The following SEMA5A variants were observed in gnomAD, a reference collection of about 807,000 sequenced individuals.
SEMA5A encodes the protein semaphorin 5A, also known as semaphorin-5A.
A neutral mutation model predicts 135.5 loss-of-function variants in SEMA5A; 55 were observed. The ratio of observed to expected loss-of-function variants is 0.41; its 90% CI spans 0.33 to 0.51. SEMA5A has a LOEUF of 0.51. SEMA5A is among the 20% of genes least tolerant of loss of function. The probability of loss-of-function intolerance (pLI) is 0.37; values close to 1 mark genes in which losing one functional copy is unlikely to be tolerated. For synonymous variants in SEMA5A, 580 were observed against 546.5 expected, an observed-to-expected ratio of 1.06 and a Z score of -0.85; for missense variants, 1,290 against 1,419.9, an observed-to-expected ratio of 0.91 and a Z score of 1.47.
chr5:9,398,912 A>G (rs1047877224), intron 2 of SEMA5A, among the ~76,000 whole-genome samples: 2 of 152,254 alleles, frequency 1.3e-5, no homozygotes, highest in Non-Finnish European at 2.9e-5. Context: ...TACCAATGGT[A>G]TAAAGACTGA....
At chr5:9,324,569 G>A (rs1444683252) in intron 4 of SEMA5A, among the ~76,000 whole-genome samples, 1 of 152,090 alleles carries the variant, frequency 6.6e-6, no homozygotes, top group East Asian at 1.9e-4. Context: ...CAACATGAGG[G>A]ACTTGAAATC....
intron 12 of SEMA5A, among the ~76,000 whole-genome samples, chr5:9,154,045 CAA>C (rs1157417525): frequency 0.018 from 597 of 34,042 alleles, 7 homozygotes; most frequent in South Asian, 0.037. Context: ...GACTGTGTCT[CAA>C]AAAAAAAAAA....
chr5:9,154,749 A>G, intron 11 of SEMA5A, 54 bp from the exon 12 acceptor site: 1 of 1,450,050 alleles, frequency 6.9e-7, no homozygotes. Flanking sequence ...TCACAAACCA[A>G]TCCCTGGTTA....
At chr5:9,426,159 C>T (rs1757638260) in intron 2 of SEMA5A, among the ~76,000 whole-genome samples, 1 of 152,004 alleles carries the variant, frequency 6.6e-6, no homozygotes, top group African/African-American at 2.4e-5. Flanking sequence ...GTATTGTGGC[C>T]GGGCGCAGTG....
intron 16 of SEMA5A, among the ~76,000 whole-genome samples, chr5:9,067,318 A>C (rs778404921): frequency 1.3e-5 from 2 of 152,098 alleles, no homozygotes; most frequent in Non-Finnish European, 2.9e-5. Flanking sequence ...TGGCACGTGG[A>C]GATGATGAAA....
At chr5:9,253,014 A>C (rs140370390) in intron 5 of SEMA5A, among the ~76,000 whole-genome samples, 3 of 152,296 alleles carry the variant, frequency 2.0e-5, no homozygotes, top group African/African-American at 7.2e-5. Context: ...TATCCACCTC[A>C]TTAGAGTCTC....
chr5:9,508,685 T>C (rs1015671496), intron 1 of SEMA5A, among the ~76,000 whole-genome samples: 1 of 152,140 alleles, frequency 6.6e-6, no homozygotes, highest in South Asian at 2.1e-4. Flanking sequence ...TTCCTTGAAG[T>C]CCCCTGCTTA....
At chr5:9,102,993 A>G (rs901800418) in intron 16 of SEMA5A, among the ~76,000 whole-genome samples, 2 of 152,178 alleles carry the variant, frequency 1.3e-5, no homozygotes, top group Non-Finnish European at 2.9e-5. Context: ...CAAATACAAA[A>G]TATACCTGTT....
intron 8 of SEMA5A, among the ~76,000 whole-genome samples, 154 bp from the exon 9 acceptor site, chr5:9,202,394 G>C (rs145914716): frequency 9.3e-4 from 142 of 151,964 alleles, no homozygotes; most frequent in African/African-American, 3.3e-3. Flanking sequence ...GCAGCTTAAT[G>C]ATCTACACTG....
chr5:9,384,571 C>G (rs805151), intron 2 of SEMA5A, among the ~76,000 whole-genome samples: 13,240 of 78,738 alleles, frequency 0.17, 1,128 homozygotes, highest in East Asian at 0.2. Flanking sequence ...TAGATAGATA[C>G]ATAGATAGAT....
chr5:9,493,105 A>C (rs1735109898), intron 1 of SEMA5A, among the ~76,000 whole-genome samples: 1 of 152,092 alleles, frequency 6.6e-6, no homozygotes, highest in African/African-American at 2.4e-5. Flanking sequence ...GAGGCTGTGA[A>C]TGTAAGAGGG....
chr5:9,244,946 C>T (rs897551803), intron 5 of SEMA5A, among the ~76,000 whole-genome samples: 2 of 152,168 alleles, frequency 1.3e-5, no homozygotes, highest in African/African-American at 4.8e-5. Flanking sequence ...AGGATCAGAA[C>T]AAAGATTTTA....
chr5:9,318,688 T>A (rs533798226), intron 4 of SEMA5A, among the ~76,000 whole-genome samples: 44 of 152,250 alleles, frequency 2.9e-4, no homozygotes, highest in African/African-American at 1.0e-3. Context: ...ATTAACTGGA[T>A]CTCTTGATCT....
intron 5 of SEMA5A, among the ~76,000 whole-genome samples, chr5:9,259,318 G>T (rs1561080922): frequency 6.6e-6 from 1 of 152,140 alleles, no homozygotes; most frequent in Non-Finnish European, 1.5e-5. Context: ...TCACTTTGGG[G>T]GAGATTTAAA....
intron 8 of SEMA5A, among the ~76,000 whole-genome samples, chr5:9,214,418 T>C (rs1035403696): frequency 6.6e-6 from 1 of 152,180 alleles, no homozygotes; most frequent in African/African-American, 2.4e-5. Flanking sequence ...GGAGTGTGTA[T>C]TCATCAGTAT....
At chr5:9,044,779 GATT>G (rs372233462) in intron 21 of SEMA5A, among the ~76,000 whole-genome samples, 195 bp from the exon 22 acceptor site, 310 of 151,860 alleles carry the variant, frequency 2.0e-3, no homozygotes, top group African/African-American at 7.1e-3. Flanking sequence ...GGGAGCACAG[GATT>G]ATTATTATTA....
At chr5:9,493,839 T>C (rs1454087027) in intron 1 of SEMA5A, among the ~76,000 whole-genome samples, 2 of 152,120 alleles carry the variant, frequency 1.3e-5, no homozygotes, top group Non-Finnish European at 2.9e-5. Context: ...TTTACAGAAA[T>C]GGAAACTTTT....
At chr5:9,094,927 G>A (rs953096489) in intron 16 of SEMA5A, among the ~76,000 whole-genome samples, 6 of 151,918 alleles carry the variant, frequency 3.9e-5, no homozygotes, top group African/African-American at 1.5e-4. Flanking sequence ...TCCTTCCACA[G>A]TAGAACCTCA....
At chr5:9,465,595 A>C (rs1470729879) in intron 1 of SEMA5A, among the ~76,000 whole-genome samples, 1 of 152,258 alleles carries the variant, frequency 6.6e-6, no homozygotes, top group Non-Finnish European at 1.5e-5. Context: ...ATGTATAGGC[A>C]TTACATAGGA....
Sources: gnomAD v4.1 joint callset for allele counts (sites outside exome capture counted in the v4.1 genomes callset) on GRCh38, gnomAD v4.1.1 for gene constraint, MANE v1.5 for transcripts, NCBI Gene and HGNC (gene_info 2026-07-23, HGNC 2026-07-21) for gene names.